PTPRD: variants seen among roughly 807,000 people sequenced by gnomAD.
PTPRD encodes the protein receptor-type tyrosine-protein phosphatase delta.
Under a neutral mutation model 214.5 loss-of-function variants are expected in PTPRD, and 34 were observed. The ratio of observed to expected loss-of-function variants is 0.16; its 90% CI spans 0.12 to 0.21. The LOEUF (loss-of-function observed/expected upper bound fraction) is 0.21. Among genes scored for constraint, PTPRD ranks in the 10% least tolerant of loss-of-function variants. The probability of loss-of-function intolerance (pLI) is 1.00; values close to 1 mark genes in which losing one functional copy is unlikely to be tolerated. For missense variants in PTPRD, 2,545 were observed against 2,398.7 expected, an observed-to-expected ratio of 1.06 and a Z score of -1.27; for synonymous variants, 1,128 against 845.7, an observed-to-expected ratio of 1.33 and a Z score of -5.79.
intron 3 of PTPRD, among the ~76,000 whole-genome samples, chr9:10,329,428 G>GT (rs2096709013): frequency 6.6e-6 from 1 of 151,790 alleles, no homozygotes; most frequent in African/African-American, 2.4e-5. Flanking sequence ...AAAAGTTATT[G>GT]TATGTTTTCA....
chr9:9,890,543 T>C (rs1345182498), intron 5 of PTPRD, among the ~76,000 whole-genome samples: 1 of 152,018 alleles, frequency 6.6e-6, no homozygotes, highest in Non-Finnish European at 1.5e-5. Flanking sequence ...TGCTGTGTGG[T>C]TTCTGCCTTT....
intron 11 of PTPRD, among the ~76,000 whole-genome samples, chr9:8,843,720 C>A (rs925083748): frequency 2.0e-5 from 3 of 152,168 alleles, no homozygotes; most frequent in Non-Finnish European, 4.4e-5. Flanking sequence ...GAATCCTCAT[C>A]AAGGCAGATA....
chr9:9,610,359 GTTATA>G (rs891447146), intron 7 of PTPRD, among the ~76,000 whole-genome samples: 9 of 152,256 alleles, frequency 5.9e-5, no homozygotes, highest in East Asian at 1.9e-4. Flanking sequence ...TTAGTATTGA[GTTATA>G]TTATAAAGAG....
chr9:8,798,047 T>A (rs1477013509), intron 11 of PTPRD, among the ~76,000 whole-genome samples: 2 of 152,168 alleles, frequency 1.3e-5, no homozygotes, highest in Non-Finnish European at 2.9e-5. Flanking sequence ...CTCAAAGTCT[T>A]ATGCTGGTCT....
chr9:9,216,344 T>A (rs2099952209), intron 9 of PTPRD, among the ~76,000 whole-genome samples: 1 of 152,170 alleles, frequency 6.6e-6, no homozygotes, highest in Non-Finnish European at 1.5e-5. Flanking sequence ...CTACCTCAGT[T>A]TTCTCCTCTA....
intron 9 of PTPRD, among the ~76,000 whole-genome samples, chr9:9,387,458 C>G (rs1279581599): frequency 6.6e-6 from 1 of 152,008 alleles, no homozygotes; most frequent in Admixed American, 6.6e-5. Context: ...AGAGTACAGA[C>G]TTTTTTCTTT....
chr9:8,616,879 G>C (rs963371281), intron 14 of PTPRD, among the ~76,000 whole-genome samples: 2 of 152,110 alleles, frequency 1.3e-5, no homozygotes, highest in African/African-American at 2.4e-5. Flanking sequence ...CCCTCCATGA[G>C]AGGCTAAGCT....
intron 12 of PTPRD, among the ~76,000 whole-genome samples, chr9:8,672,222 G>C (rs779717461): frequency 2.6e-5 from 4 of 151,862 alleles, no homozygotes; most frequent in African/African-American, 4.8e-5. Flanking sequence ...CCATTTCTTC[G>C]CTGAGACGTG....
rs115331001 is a variant in PTPRD at position 9,134,684 on chromosome 9, G to T, written c.-143+48620C>A. Reference sequence around the variant, plus strand: ...AGGACACTCATGGCTGCTTCCTCTGGCTATTTTGTCTTCATAGCACTTTTC... The same window carrying T: ...AGGACACTCATGGCTGCTTCCTCTGTCTATTTTGTCTTCATAGCACTTTTC... On this transcript the variant is annotated intron_variant, in intron 10 of 45. Coordinates refer to ENST00000381196, the MANE Select transcript of PTPRD (RefSeq NM_002839.4). Among the ~76,000 whole-genome samples the T allele has an allele frequency of 3.0e-3, 460 of 152,178 alleles. 2 individuals are homozygous for T. Among genetic ancestry groups the T allele is most frequent in the African/African-American group, 0.011 (436 of 41,508 alleles).
chr9:9,078,289 A>G (rs1280047118), intron 10 of PTPRD, among the ~76,000 whole-genome samples: 1 of 152,166 alleles, frequency 6.6e-6, no homozygotes, highest in Non-Finnish European at 1.5e-5. Context: ...CCACTTCGCA[A>G]GAATTTCTGA....
chr9:10,501,312 G>T (rs2043637426), intron 2 of PTPRD, among the ~76,000 whole-genome samples: 1 of 151,906 alleles, frequency 6.6e-6, no homozygotes, highest in Non-Finnish European at 1.5e-5. Flanking sequence ...CAACTTTTTA[G>T]ATATCTGTTT....
chr9:8,956,770 A>G (rs1385443398), intron 11 of PTPRD, among the ~76,000 whole-genome samples: 1 of 151,830 alleles, frequency 6.6e-6, no homozygotes, highest in African/African-American at 2.4e-5. Context: ...TACCTGCAAT[A>G]GGAGAGGATT....
In PTPRD at chr9:9,029,945, C is replaced by A. The variant is rs114314571; in HGVS notation, c.-142-11210G>T. 1.9e-3 allele frequency among the ~76,000 whole-genome samples: 289 copies of A among 151,984 alleles called. 2 individuals are homozygous for A. Among genetic ancestry groups the A allele is most frequent in the African/African-American group, 6.6e-3 (275 of 41,480 alleles). The stretch of plus-strand genomic sequence containing the variant: ...GTGACAGCACGATTTCAGGTGGTGA[C>A]TCAATGGCAATTCTTTGATGCAGAG... On this transcript the variant is annotated intron_variant, in intron 10 of 45. Coordinates refer to ENST00000381196, the MANE Select transcript of PTPRD (RefSeq NM_002839.4).
At chr9:9,983,303 C>T (rs1379226937) in intron 4 of PTPRD, among the ~76,000 whole-genome samples, 2 of 152,174 alleles carry the variant, frequency 1.3e-5, no homozygotes, top group African/African-American at 4.8e-5. Flanking sequence ...GCATTTCTGC[C>T]AGAGTTCTTG....
intron 8 of PTPRD, among the ~76,000 whole-genome samples, chr9:9,467,985 T>G (rs553211985): frequency 9.9e-5 from 15 of 152,270 alleles, no homozygotes; most frequent in African/African-American, 3.6e-4. Flanking sequence ...AACTTTACTA[T>G]TAAACATCAC....
At chr9:10,434,149 T>C (rs1295156256) in intron 2 of PTPRD, among the ~76,000 whole-genome samples, 1 of 151,920 alleles carries the variant, frequency 6.6e-6, no homozygotes, top group Non-Finnish European at 1.5e-5. Context: ...TGCAATTATT[T>C]TTTTTATTTC....
intron 8 of PTPRD, among the ~76,000 whole-genome samples, chr9:9,414,159 A>G (rs868004903): frequency 5.9e-5 from 9 of 152,228 alleles, no homozygotes; most frequent in Non-Finnish European, 7.3e-5. Flanking sequence ...ATACATCTCA[A>G]AAGGTATTCT....
chr9:8,561,619 G>C (rs1160078166), intron 14 of PTPRD, among the ~76,000 whole-genome samples: 3 of 152,274 alleles, frequency 2.0e-5, no homozygotes, highest in African/African-American at 7.2e-5. Context: ...GGGGGGTGGA[G>C]AGTGGAGGGC....
At chr9:8,624,820 T>A (rs913399202) in intron 14 of PTPRD, among the ~76,000 whole-genome samples, 1 of 151,840 alleles carries the variant, frequency 6.6e-6, no homozygotes, top group South Asian at 2.1e-4. Context: ...TTTCACTCTG[T>A]CTTTGTAGTT....
Sources: allele counts gnomAD v4.1 joint callset (sites outside exome capture counted in the v4.1 genomes callset), GRCh38; gene constraint gnomAD v4.1.1; transcripts MANE v1.5; gene names NCBI Gene and HGNC (gene_info 2026-07-23, HGNC 2026-07-21).